Variants in SOX6 observed in about 807,000 individuals in gnomAD.
SOX6 encodes the protein SRY-box transcription factor 6, also known as transcription factor SOX-6.
SOX6 carries 11 observed loss-of-function variants against 97.8 expected under a neutral mutation model. The observed-to-expected ratio is 0.11, with a 90% CI of 0.07 to 0.19. SOX6 has a LOEUF of 0.19. Among genes scored for constraint, SOX6 ranks in the 10% least tolerant of loss-of-function variants. The pLI is 1.00. For synonymous variants in SOX6, 360 were observed against 371.4 expected (o/e 0.97, Z 0.35); for missense variants, 810 against 1,039.5 (o/e 0.78, Z 3.04).
intron 4 of SOX6, among the ~76,000 whole-genome samples, chr11:16,228,223 C>A (rs1275796393): frequency 6.6e-6 from 1 of 151,684 alleles, no homozygotes; most frequent in Non-Finnish European, 1.5e-5. Context: ...AATGAGACCC[C>A]AACTGGGACA....
intron 4 of SOX6, among the ~76,000 whole-genome samples, chr11:16,592,147 T>C (rs1156460642): frequency 6.6e-6 from 1 of 151,756 alleles, no homozygotes; most frequent in African/African-American, 2.4e-5. Context: ...TGTATTAGGG[T>C]TCATGAGCGT....
chr11:16,499,515 C>G (rs1860665155), intron 4 of SOX6, among the ~76,000 whole-genome samples: 1 of 152,082 alleles, frequency 6.6e-6, no homozygotes, highest in Non-Finnish European at 1.5e-5. Flanking sequence ...ATCAATGAAT[C>G]CAGGAGCTGG....
intron 4 of SOX6, among the ~76,000 whole-genome samples, chr11:16,200,632 T>C (rs1851909045): frequency 6.6e-6 from 1 of 152,316 alleles, no homozygotes. Context: ...TACTCAATTA[T>C]CATGCACTGA....
chr11:16,314,263 C>T (rs1855697183), intron 3 of SOX6: 1 of 152,108 alleles, frequency 6.6e-6, no homozygotes, highest in Non-Finnish European at 1.5e-5. Flanking sequence ...TTTTAAAGTC[C>T]TCTGCCTATT....
chr11:16,356,168 C>T lies in SOX6; in HGVS notation c.-79G>A, dbSNP rs1857066989. ...CAGCCAGAACTTCAGAACTTGAGGG[C>T]ATAACACCTTTGACACCTTCCCAAA... is the stretch of plus-strand genomic sequence containing the variant. On this transcript the variant is annotated 5_prime_UTR_variant, in exon 1 of 16. It removes an upstream start codon present in the reference 5' UTR. Transcript: ENST00000683767. Among the ~76,000 whole-genome samples, 1 of 150,354 alleles carries T rather than the reference C, an allele frequency of 6.7e-6. No homozygotes were observed. Among genetic ancestry groups the T allele is most frequent in the African/African-American group, 2.4e-5 (1 of 40,842 alleles).
chr11:16,602,231 C>T (rs1848278976), intron 4 of SOX6, among the ~76,000 whole-genome samples: 1 of 151,926 alleles, frequency 6.6e-6, no homozygotes, highest in Non-Finnish European at 1.5e-5. Flanking sequence ...CTAGTTTTGC[C>T]ACTATAACTG....
At chr11:16,665,092 T>C (rs773829500) in intron 3 of SOX6, among the ~76,000 whole-genome samples, 5 of 151,848 alleles carry the variant, frequency 3.3e-5, no homozygotes, top group Admixed American at 3.3e-4. Flanking sequence ...ACTGGGAGAC[T>C]TGCTGGCTTC....
At position 16,108,457 on chromosome 11, in the gene SOX6, G is replaced by C. The variant is rs186927033; in HGVS notation, c.898+3346C>G. 1.7e-3 allele frequency among the ~76,000 whole-genome samples: 262 copies of C among 152,232 alleles called. 3 individuals carry two copies. The highest frequency in any genetic ancestry group is 3.0e-3 in the Admixed American group (46 of 15,276). ...ATACACATTGGCAACTGTGAAAGAT[G>C]CTTTATCTTTTAATTTTCTCCAATA... On this transcript the variant is annotated intron_variant, in intron 7 of 15. Coordinates refer to ENST00000683767, the MANE Select transcript of SOX6 (RefSeq NM_001367873.1).
chr11:16,352,160 T>C (rs1310643516), intron 1 of SOX6, among the ~76,000 whole-genome samples: 1 of 151,974 alleles, frequency 6.6e-6, no homozygotes, highest in Non-Finnish European at 1.5e-5. Context: ...GTTCTGCATA[T>C]TCCCTGGCAA....
At chr11:16,022,446 C>T (rs1009138782) in intron 12 of SOX6, among the ~76,000 whole-genome samples, 4 of 149,268 alleles carry the variant, frequency 2.7e-5, no homozygotes, top group African/African-American at 7.4e-5. Flanking sequence ...GAGTCTCATT[C>T]TATTGCCCAG....
intron 4 of SOX6, among the ~76,000 whole-genome samples, chr11:16,493,400 C>T (rs1860540470): frequency 6.6e-6 from 1 of 152,146 alleles, no homozygotes; most frequent in Non-Finnish European, 1.5e-5. Flanking sequence ...GTTGTATAAG[C>T]ATGCATGCTC....
At chr11:16,230,597 TTGAA>T (rs1288597081) in intron 4 of SOX6, among the ~76,000 whole-genome samples, 2 of 151,796 alleles carry the variant, frequency 1.3e-5, no homozygotes, top group African/African-American at 2.4e-5. Context: ...ATAAATGACT[TTGAA>T]TGGAGCAATT....
chr11:16,067,996 C>CG (rs1366321644), intron 9 of SOX6, among the ~76,000 whole-genome samples: 1 of 151,988 alleles, frequency 6.6e-6, no homozygotes, highest in African/African-American at 2.4e-5. Context: ...CACAAAATAT[C>CG]GGGGAACCCC....
At chr11:16,238,085 C>A (rs1853078580) in intron 3 of SOX6, among the ~76,000 whole-genome samples, 1 of 151,844 alleles carries the variant, frequency 6.6e-6, no homozygotes, top group Admixed American at 6.6e-5. Flanking sequence ...TTTCCATTAA[C>A]CAATATTTAT....
intron 1 of SOX6, among the ~76,000 whole-genome samples, chr11:16,453,005 T>A (rs1859748062): frequency 6.6e-6 from 1 of 152,184 alleles, no homozygotes; most frequent in African/African-American, 2.4e-5. Flanking sequence ...TTGTTTCCAC[T>A]GAGATAATTA....
At chr11:16,393,806 A>G (rs1858260419) in intron 1 of SOX6, among the ~76,000 whole-genome samples, 1 of 152,054 alleles carries the variant, frequency 6.6e-6, no homozygotes, top group Admixed American at 6.6e-5. Context: ...TTGCATCTTT[A>G]GAAAATTGGA....
chr11:16,041,888 A>G (rs1024674648), intron 12 of SOX6, among the ~76,000 whole-genome samples: 1 of 152,160 alleles, frequency 6.6e-6, no homozygotes, highest in Non-Finnish European at 1.5e-5. Context: ...CTTTTAAGAC[A>G]TTTTGGATCC....
At chr11:16,465,700 C>T (rs1273378287) in intron 1 of SOX6, 2 of 152,122 alleles carry the variant, frequency 1.3e-5, no homozygotes, top group African/African-American at 2.4e-5. Flanking sequence ...GTAAAACATA[C>T]CTTTTGTTGT....
At chr11:15,986,598 G>A (rs972681920) in intron 14 of SOX6, among the ~76,000 whole-genome samples, 178 bp from the exon 15 acceptor site, 15 of 152,078 alleles carry the variant, frequency 9.9e-5, no homozygotes, top group African/African-American at 2.4e-4. Flanking sequence ...ACAATTTTGC[G>A]TATGATACTT....
Sources: gnomAD v4.1 joint callset for allele counts (sites outside exome capture counted in the v4.1 genomes callset) on GRCh38, gnomAD v4.1.1 for gene constraint, MANE v1.5 for transcripts, NCBI Gene and HGNC (gene_info 2026-07-23, HGNC 2026-07-21) for gene names.